The following B9D1 variants were observed in gnomAD, a reference collection of about 807,000 sequenced individuals.
B9D1 encodes B9 domain-containing protein 1.
A neutral mutation model predicts 26.1 loss-of-function variants in B9D1; 20 were observed. The observed-to-expected ratio is 0.77, with a 90% CI of 0.54 to 1.12. B9D1 has a LOEUF of 1.12. B9D1 is among the 50% of genes most tolerant of loss of function. The pLI, the probability that B9D1 is intolerant of heterozygous loss-of-function variation, is 0.00. For synonymous variants in B9D1, 105 were observed against 103.1 expected, an observed-to-expected ratio of 1.02 and a Z score of -0.11; for missense variants, 260 against 273.7, an observed-to-expected ratio of 0.95 and a Z score of 0.35.
intron 1 of B9D1, among the ~76,000 whole-genome samples, chr17:19,373,537 G>A (rs1390472465): frequency 1.3e-5 from 2 of 151,920 alleles, no homozygotes; most frequent in Non-Finnish European, 2.9e-5. Flanking sequence ...GATTATAGGC[G>A]CCTGCCAACA....
chr17:19,372,663 T>A lies in B9D1; in HGVS notation c.-298+5196A>T, dbSNP rs1911950098. Among the ~76,000 whole-genome samples, 1 of 152,194 alleles carries A rather than the reference T, an allele frequency of 6.6e-6. No homozygotes were observed. The highest frequency in any genetic ancestry group is 1.5e-5 in the Non-Finnish European group (1 of 68,032). ...CCTCATCAGAGAAAGCTGGGACTTG[T>A]GCTCATGGCTCTGACCCCAGCACAC... is the stretch of plus-strand genomic sequence containing the variant. On this transcript the variant is annotated intron_variant, in intron 1 of 5. Transcript: ENST00000477478. The surrounding 1 kb of genome is among the most constrained non-coding windows in gnomAD (Gnocchi z 4.4).
At chr17:19,340,956 T>C (rs1326118376), downstream of B9D1, 4 of 270,144 alleles carry the variant, frequency 1.5e-5, no homozygotes, top group African/African-American at 6.7e-5. Context: ...GCAATAAAAA[T>C]AGGATGGATT....
downstream of B9D1, among the ~76,000 whole-genome samples, chr17:19,338,718 A>G (rs1010835142): frequency 6.6e-6 from 1 of 152,200 alleles, no homozygotes; most frequent in African/African-American, 2.4e-5. Context: ...TGGAGAGGCC[A>G]CATGGGGGAG....
At chr17:19,360,277 A>G (rs201173542) in intron 2 of B9D1, 43 bp downstream of exon 2, 29 of 1,594,272 alleles carry the variant, frequency 1.8e-5, no homozygotes, top group African/African-American at 1.3e-5. Context: ...AGAAACCCCA[A>G]AAGTCATGAA....
Position 19,362,720 on chromosome 17 carries a change from A to G in B9D1, c.-151T>C. The G allele has an allele frequency of 7.0e-7, 1 of 1,432,752 alleles. No individual in the cohort carries two copies. Among genetic ancestry groups the G allele is most frequent in the Non-Finnish European group, 9.3e-7 (1 of 1,079,322 alleles). The allele number at this position is 1,432,752 out of a possible 1,614,324, so 88.8% of individuals were successfully genotyped here. ...AAGGCCACGCGAGTGCGCGTGTGGC[A>G]TGCGCAGGCGCAGTGAACGGGCGCC... On this transcript the variant is annotated 5_prime_UTR_variant, in exon 1 of 7. It removes an upstream start codon present in the reference 5' UTR. Transcript: ENST00000261499.
chr17:19,362,775 G>A (rs1487149529), upstream of B9D1: 7 of 1,447,100 alleles, frequency 4.8e-6, 1 homozygote, highest in Admixed American at 2.0e-5. Context: ...CAAGGGGCGG[G>A]GATCCACGCC....
intron 1 of B9D1, among the ~76,000 whole-genome samples, chr17:19,374,762 A>G (rs1452787218): frequency 1.3e-5 from 2 of 152,246 alleles, no homozygotes; most frequent in African/African-American, 2.4e-5. Context: ...GACAAAACAG[A>G]TAACTGGACT....
chr17:19,342,110 C>A (rs1908034723), downstream of B9D1, among the ~76,000 whole-genome samples: 1 of 152,120 alleles, frequency 6.6e-6, no homozygotes, highest in Non-Finnish European at 1.5e-5. Context: ...AAGGACACAC[C>A]CCTGCTCTAG....
At chr17:19,371,073 C>T (rs1297206543) in intron 1 of B9D1, among the ~76,000 whole-genome samples, 1 of 152,190 alleles carries the variant, frequency 6.6e-6, no homozygotes, top group Non-Finnish European at 1.5e-5. Context: ...TCATCCCCTG[C>T]GATTTTCCTG....
intron 3 of B9D1, among the ~76,000 whole-genome samples, chr17:19,355,127 T>C (rs546505896): frequency 6.6e-6 from 1 of 152,342 alleles, no homozygotes; most frequent in East Asian, 1.9e-4. Flanking sequence ...ACTGTAGATA[T>C]TTTCCTTTGA....
At chr17:19,343,136 A>G, downstream of B9D1, 2 of 1,428,492 alleles carry the variant, frequency 1.4e-6, no homozygotes, top group Non-Finnish European at 1.8e-6. Flanking sequence ...CCTGTGGGGG[A>G]GGGGCTAAAC....
At chr17:19,338,407 G>A (rs1359147210), downstream of B9D1, among the ~76,000 whole-genome samples, 1 of 152,234 alleles carries the variant, frequency 6.6e-6, no homozygotes, top group Non-Finnish European at 1.5e-5. Flanking sequence ...GTGAGCCAGA[G>A]GCTTCAGTCC....
chr17:19,363,970 T>C (rs1911435037), upstream of B9D1, among the ~76,000 whole-genome samples: 1 of 152,150 alleles, frequency 6.6e-6, no homozygotes, highest in Non-Finnish European at 1.5e-5. Context: ...ACAGGGCCCA[T>C]TTCCCCTCCT....
At chr17:19,375,442 G>C (rs184181452) in intron 1 of B9D1, among the ~76,000 whole-genome samples, 1 of 151,768 alleles carries the variant, frequency 6.6e-6, no homozygotes, top group Admixed American at 6.6e-5. Flanking sequence ...CACCCACTAG[G>C]ATGGCTATAA....
At position 19,372,034 on chromosome 17, in the gene B9D1, C is replaced by A. The variant is rs1482475257; in HGVS notation, c.-298+5825G>T. Reference sequence around the variant, plus strand: ...AACAGAGGCCCCTCCCACAGTTGAGCCCATTTTGTCACCTGTAACCAGGGA... The same window carrying A: ...AACAGAGGCCCCTCCCACAGTTGAGACCATTTTGTCACCTGTAACCAGGGA... On this transcript the variant is annotated intron_variant, in intron 1 of 5. Coordinates refer to the B9D1 transcript ENST00000477478. This position sits in a 1 kb window ranked among gnomAD's most constrained non-coding sequence, Gnocchi z 4.4. The A allele has an allele frequency of 6.6e-6, 1 of 152,216 alleles. No homozygotes were observed. The highest frequency in any genetic ancestry group is 1.5e-5 in the Non-Finnish European group (1 of 68,058). 9.4% of individuals were successfully genotyped at this position (152,216 alleles called of 1,614,324 possible). A position where few individuals can be genotyped will look rare whatever the true frequency, so the allele number is the denominator to read the frequency against.
At chr17:19,364,968 A>G (rs772339239), upstream of B9D1, among the ~76,000 whole-genome samples, 14 of 152,220 alleles carry the variant, frequency 9.2e-5, no homozygotes, top group Non-Finnish European at 1.5e-4. The surrounding 1 kb of genome is among the most constrained non-coding windows in gnomAD (Gnocchi z 4.3). Context: ...AGCTGGCCAG[A>G]GCCCCTGCAG....
chr17:19,356,928 C>T (rs1205413169), intron 3 of B9D1, among the ~76,000 whole-genome samples: 1 of 152,162 alleles, frequency 6.6e-6, no homozygotes, highest in Non-Finnish European at 1.5e-5. Flanking sequence ...TTGAAACTTC[C>T]TACTCATGGA....
intron 1 of B9D1, among the ~76,000 whole-genome samples, chr17:19,374,458 G>C (rs1450151726): frequency 1.3e-5 from 2 of 152,214 alleles, no homozygotes; most frequent in Non-Finnish European, 2.9e-5. Context: ...GTCTAAATCA[G>C]TATAATCTCT....
rs1486021413 is a variant in B9D1 at position 19,359,684 on chromosome 17, C to T, written c.132+636G>A. Among the ~76,000 whole-genome samples, 3 of 152,174 alleles carry T rather than the reference C, an allele frequency of 2.0e-5. No homozygotes were observed. Among genetic ancestry groups the T allele is most frequent in the Non-Finnish European group, 2.9e-5 (2 of 68,026 alleles). The stretch of plus-strand genomic sequence containing the variant: ...GGGAAGGCAGGGTCTTCTGGTTTGG[C>T]TTTGCTCACCCCTGCATCCCCAGCA... On this transcript the variant is annotated intron_variant, in intron 2 of 6. Coordinates refer to ENST00000261499, the MANE Select transcript of B9D1 (RefSeq NM_015681.6). The surrounding 1 kb of genome is among the most constrained non-coding windows in gnomAD (Gnocchi z 5.0).
Sources: gnomAD v4.1 joint callset for allele counts (sites outside exome capture counted in the v4.1 genomes callset) on GRCh38, gnomAD v4.1.1 for gene constraint, Gnocchi (gnomAD v3.1) non-coding constraint, MANE v1.5 for transcripts, NCBI Gene and HGNC (gene_info 2026-07-23, HGNC 2026-07-21) for gene names.